CKLF: variants seen among roughly 807,000 people sequenced by gnomAD.
CKLF encodes the protein chemokine like factor.
Under a neutral mutation model 12.9 loss-of-function variants are expected in CKLF, and 16 were observed. The observed-to-expected ratio is 1.24, with a 90% confidence interval of 0.84 to 1.88. The LOEUF (loss-of-function observed/expected upper bound fraction) is 1.88, where lower values mean the gene tolerates loss of function less well. Ranked by LOEUF, CKLF falls within the 40% of genes most tolerant of loss-of-function variation. CKLF has a pLI of 0.00. For synonymous variants in CKLF, 61 were observed against 69.0 expected (o/e 0.88, Z 0.57); for missense variants, 172 against 188.5 (o/e 0.91, Z 0.51).
intron 2 of CKLF, among the ~76,000 whole-genome samples, chr16:66,562,090 C>CT (rs2011766239): frequency 7.9e-6 from 1 of 125,848 alleles, no homozygotes; most frequent in Non-Finnish European, 1.9e-5. Context: ...TTATTAATTG[C>CT]CTTTTTTTTT....
At chr16:66,555,809 G>A (rs746326049) in intron 1 of CKLF, among the ~76,000 whole-genome samples, 1 of 152,208 alleles carries the variant, frequency 6.6e-6, no homozygotes, top group Non-Finnish European at 1.5e-5. Flanking sequence ...GGCAGTAGTT[G>A]TAAGGATGAA....
intron 2 of CKLF, among the ~76,000 whole-genome samples, chr16:66,562,848 G>A (rs962277515): frequency 6.6e-5 from 10 of 152,080 alleles, no homozygotes; most frequent in Non-Finnish European, 1.5e-4. Context: ...AGCCTCCCGA[G>A]TAGCTGGGAT....
rs1031910584 is a variant in CKLF at position 66,552,909 on chromosome 16, T to C, written c.78+116T>C. ...CTTTTCAACCTCGCTTTGATCAAGA[T>C]TGAAAGGCAAGGCATGGCCTCCTTG... On this transcript the variant is annotated intron_variant, in intron 1 of 3. Transcript: ENST00000264001. 13 of 1,480,254 alleles carry C rather than the reference T, an allele frequency of 8.8e-6. No individual in the cohort carries two copies. In the African/African-American group the frequency reaches 1.5e-4, roughly 17 times the overall value. 91.7% of individuals were successfully genotyped at this position (1,480,254 alleles called of 1,614,324 possible).
chr16:66,560,595 G>A (rs765720726), intron 2 of CKLF, among the ~76,000 whole-genome samples: 5 of 152,072 alleles, frequency 3.3e-5, no homozygotes, highest in Non-Finnish European at 5.9e-5. Context: ...TCATCACCTC[G>A]TGATATTAAC....
At chr16:66,553,577 T>G (rs952111067) in intron 1 of CKLF, 1 of 152,224 alleles carries the variant, frequency 6.6e-6, no homozygotes, top group African/African-American at 2.4e-5. Context: ...AACTCATCAT[T>G]GGAGGAATTC....
chr16:66,552,890 A>C, intron 1 of CKLF, 97 bp downstream of exon 1: 1 of 1,569,742 alleles, frequency 6.4e-7, no homozygotes, highest in South Asian at 1.1e-5. Flanking sequence ...TTTGCTTTTC[A>C]ACCTCGCTTT....
intron 3 of CKLF, 57 bp from the exon 4 acceptor site, chr16:66,565,829 G>A (rs1272948129): frequency 1.9e-6 from 3 of 1,559,850 alleles, no homozygotes; most frequent in South Asian, 2.2e-5. Flanking sequence ...TAAAACTTGT[G>A]TGAATGACAG....
Position 66,563,157 on chromosome 16 carries a change from G to A in CKLF, c.273G>A (p.Met91Ile). 1 of 1,614,074 alleles carries A rather than the reference G, an allele frequency of 6.2e-7. No homozygotes were observed. The highest frequency in any genetic ancestry group is 1.1e-5 in the South Asian group (1 of 91,078). The stretch of plus-strand genomic sequence containing the variant: ...ACTCACTGGTAACAACAGTATTCAT[G>A]CTCATCGTATCTGTGTTGGCACTGA... The part of the protein sequence containing the change: ...IINSLVTTVF[M>I]LIVSVLALIP... Residue 91 changes from methionine (M) to isoleucine (I), a missense_variant, in exon 3 of 4, where the codon ATG (methionine) becomes ATA (isoleucine). Transcript: ENST00000264001.
At chr16:66,552,817 G>A (rs1204504517) in intron 1 of CKLF, 24 bp downstream of exon 1, 3 of 1,613,716 alleles carry the variant, frequency 1.9e-6, no homozygotes, top group Non-Finnish European at 2.5e-6. Context: ...GCGGAGGGCG[G>A]GAGGCTGATG....
rs1341763298 is a variant in CKLF, at chr16:66,552,668, A to G, written c.-48A>G. On this transcript the variant is annotated 5_prime_UTR_variant, in exon 1 of 4. Transcript: ENST00000264001. ...CTTCGCAGAACCTACTCAGGCAGCC[A>G]GCTGAGAAGAGTTGAGGGAAAGTGC... 1 of 1,613,510 alleles carries G rather than the reference A, an allele frequency of 6.2e-7. No individual in the cohort carries two copies. The highest frequency in any genetic ancestry group is 2.2e-5 in the East Asian group (1 of 44,864).
chr16:66,554,257 A>G (rs1026729893), intron 1 of CKLF, among the ~76,000 whole-genome samples: 1 of 152,242 alleles, frequency 6.6e-6, no homozygotes, highest in Non-Finnish European at 1.5e-5. Flanking sequence ...ACATGAGCAG[A>G]TAGTTAAGAT....
chr16:66,558,378 AC>A (rs2011532220), intron 2 of CKLF, 30 bp downstream of exon 2: 6 of 1,584,694 alleles, frequency 3.8e-6, no homozygotes, highest in Non-Finnish European at 5.1e-6. Flanking sequence ...CTTAAATTTT[AC>A]TTTTTCCTAC....
At chr16:66,555,303 T>C (rs1015283555) in intron 1 of CKLF, among the ~76,000 whole-genome samples, 27 of 152,120 alleles carry the variant, frequency 1.8e-4, no homozygotes, top group African/African-American at 6.0e-4. Context: ...CAGAAGGGGA[T>C]TGCTGCAGGG....
At chr16:66,553,984 T>C (rs1049246992) in intron 1 of CKLF, among the ~76,000 whole-genome samples, 1 of 152,176 alleles carries the variant, frequency 6.6e-6, no homozygotes, top group Non-Finnish European at 1.5e-5. Context: ...TAACTTTTGA[T>C]TGGGAGTAAA....
chr16:66,563,051 T>G, intron 2 of CKLF, 71 bp from the exon 3 acceptor site: 1 of 1,583,898 alleles, frequency 6.3e-7, no homozygotes, highest in Non-Finnish European at 8.6e-7. Flanking sequence ...TGTTTTTTTG[T>G]TTTTTGTTTT....
rs138591445 is a variant in CKLF, at chr16:66,557,447, C to T, written c.79-743C>T. 1.3e-3 allele frequency among the ~76,000 whole-genome samples: 204 copies of T among 152,356 alleles called. 1 individual carries two copies. The highest frequency in any genetic ancestry group is 4.7e-3 in the African/African-American group (194 of 41,590). Reference sequence around the variant, plus strand: ...CCTCCCAAAGTGCTGGGATTACAGGCATGAGCCACCGCGCCCACCCTGACA... The same window carrying T: ...CCTCCCAAAGTGCTGGGATTACAGGTATGAGCCACCGCGCCCACCCTGACA... On this transcript the variant is annotated intron_variant, in intron 1 of 3. Transcript: ENST00000264001.
intron 2 of CKLF, among the ~76,000 whole-genome samples, chr16:66,562,349 C>T (rs1371950717): frequency 6.6e-6 from 1 of 152,132 alleles, no homozygotes; most frequent in Non-Finnish European, 1.5e-5. Flanking sequence ...CCACAGCGCC[C>T]AGCATTAATT....
intron 3 of CKLF, among the ~76,000 whole-genome samples, chr16:66,563,499 A>C (rs1482825432): frequency 6.6e-6 from 1 of 152,228 alleles, no homozygotes; most frequent in Non-Finnish European, 1.5e-5. Context: ...AGCTACTGGA[A>C]TCAGTTACAG....
At chr16:66,562,725 T>C (rs1413677948) in intron 2 of CKLF, among the ~76,000 whole-genome samples, 2 of 152,194 alleles carry the variant, frequency 1.3e-5, no homozygotes, top group East Asian at 1.9e-4. Flanking sequence ...TTTAGGAAGC[T>C]GACTCCTTTT....
Sources: allele counts gnomAD v4.1 joint callset (sites outside exome capture counted in the v4.1 genomes callset), GRCh38; gene constraint gnomAD v4.1.1; transcripts MANE v1.5; gene names NCBI Gene and HGNC (gene_info 2026-07-23, HGNC 2026-07-21).